Variants in APLF observed in about 807,000 individuals in gnomAD.
APLF encodes the protein aprataxin and PNKP like factor.
APLF carries 61 observed loss-of-function variants against 55.6 expected under a neutral mutation model. That is an observed-to-expected ratio of 1.10 (90% CI 0.89 to 1.36). The LOEUF (loss-of-function observed/expected upper bound fraction) is 1.36, where lower values mean the gene tolerates loss of function less well. APLF is among the 40% of genes most tolerant of loss of function. The pLI is 0.00. For synonymous variants in APLF, 207 were observed against 214.8 expected (o/e 0.96, Z 0.32); for missense variants, 611 against 602.5 (o/e 1.01, Z -0.15).
At chr2:68,577,500 G>A (rs1259443441) in intron 9 of APLF, among the ~76,000 whole-genome samples, 1 of 152,164 alleles carries the variant, frequency 6.6e-6, no homozygotes, top group Non-Finnish European at 1.5e-5. Context: ...TCATATCACA[G>A]GAAGGGGCAG....
intron 7 of APLF, among the ~76,000 whole-genome samples, chr2:68,539,851 TG>T (rs1225078134): frequency 1.3e-5 from 2 of 152,130 alleles, no homozygotes; most frequent in Non-Finnish European, 1.5e-5. Flanking sequence ...CCAGTATGTC[TG>T]CTATCACCAC....
At chr2:68,569,685 G>A (rs1346431314) in intron 9 of APLF, among the ~76,000 whole-genome samples, 2 of 152,130 alleles carry the variant, frequency 1.3e-5, no homozygotes, top group Admixed American at 6.6e-5. Context: ...GATTAGTTAG[G>A]TAGAATAAAG....
Position 68,467,710 on chromosome 2 carries a change from A to AG in APLF, c.-18dup. On this transcript the variant is annotated 5_prime_UTR_variant, in exon 1 of 10. Transcript: ENST00000303795. ...AGCGGAGGGGCCAGTCTCCTGGCGA[A>AG]GGGGCCTAATCCTTGCCCGCCATGT... The AG allele has an allele frequency of 8.1e-7, 1 of 1,234,284 alleles. No homozygotes were observed. The highest frequency in any genetic ancestry group is 1.0e-6 in the Non-Finnish European group (1 of 987,604). The allele number at this position is 1,234,284 out of a possible 1,614,324, so 76.5% of individuals were successfully genotyped here. A position where few individuals can be genotyped will look rare whatever the true frequency, so the allele number is the denominator to read the frequency against.
At chr2:68,501,378 GATAGA>G (rs1558533506) in intron 2 of APLF, among the ~76,000 whole-genome samples, 3 of 151,834 alleles carry the variant, frequency 2.0e-5, no homozygotes, top group Non-Finnish European at 4.4e-5. Flanking sequence ...TGATGAAATA[GATAGA>G]AGGAAGGGTA....
intron 2 of APLF, among the ~76,000 whole-genome samples, chr2:68,491,962 G>A (rs1676377054): frequency 1.3e-5 from 2 of 152,056 alleles, no homozygotes. Flanking sequence ...AATTGACATG[G>A]CATTAAATTT....
At position 68,467,780 on chromosome 2, in the gene APLF, G is replaced by C. The variant is rs1021681870; in HGVS notation, c.49G>C (p.Ala17Pro). 4 of 1,234,260 alleles carry C rather than the reference G, an allele frequency of 3.2e-6. No homozygotes were observed. The African/African-American group carries it at 6.2e-5, about 19-fold the overall frequency. 76.5% of individuals were successfully genotyped at this position (1,234,260 alleles called of 1,614,324 possible). A position where few individuals can be genotyped will look rare whatever the true frequency, so the allele number is the denominator to read the frequency against. Residue 17 changes from alanine to proline, a missense_variant, in exon 1 of 10, where the codon GCC becomes CCC. Transcript: ENST00000303795. The part of the protein sequence containing the change: ...LQPRDGGPRV[A>P]LAPGETVIGR... ...GCCGCGGGACGGCGGTCCCCGGGTG[G>C]CCCTGGCGCCCGGGGAGACGGTGAT...
Position 68,579,167 on chromosome 2 carries a change from TATA to T in APLF, c.*1152_*1154del, listed in dbSNP as rs1671702163. On this transcript the variant is annotated 3_prime_UTR_variant, in exon 10 of 10. Transcript: ENST00000303795. The stretch of plus-strand genomic sequence containing the variant: ...ATATCTTAAAAGATCAAAACATATT[TATA>T]ATAATATTTTCTCATTGCTTTAAAA... 2.3e-5 allele frequency: 18 copies of T among 783,480 alleles called. No homozygotes were observed. Among genetic ancestry groups the T allele is most frequent in the Non-Finnish European group, 2.8e-5 (18 of 646,056 alleles). The allele number at this position is 783,480 out of a possible 1,614,324, so 48.5% of individuals were successfully genotyped here. A position where few individuals can be genotyped will look rare whatever the true frequency, so the allele number is the denominator to read the frequency against.
At chr2:68,571,599 A>G (rs560609082) in intron 9 of APLF, among the ~76,000 whole-genome samples, 30 of 152,220 alleles carry the variant, frequency 2.0e-4, no homozygotes, top group South Asian at 1.0e-3. Context: ...AAGATCAGAT[A>G]GTTGTAGATG....
intron 2 of APLF, among the ~76,000 whole-genome samples, chr2:68,502,281 G>T (rs913885743): frequency 3.3e-5 from 5 of 152,024 alleles, no homozygotes; most frequent in Non-Finnish European, 7.4e-5. Context: ...TTTTTTAATT[G>T]TAATAAGAAA....
chr2:68,522,829 C>G (rs1669933038), intron 5 of APLF, among the ~76,000 whole-genome samples: 1 of 151,754 alleles, frequency 6.6e-6, no homozygotes, highest in Non-Finnish European at 1.5e-5. Flanking sequence ...TAAAGTACTA[C>G]TTTATGCCAT....
At chr2:68,558,041 G>A (rs928285997) in intron 8 of APLF, among the ~76,000 whole-genome samples, 1 of 151,962 alleles carries the variant, frequency 6.6e-6, no homozygotes. Context: ...TATGATCTTG[G>A]AAAAAAACTA....
At chr2:68,491,234 C>T (rs1242229526) in intron 2 of APLF, among the ~76,000 whole-genome samples, 1 of 152,164 alleles carries the variant, frequency 6.6e-6, no homozygotes, top group Non-Finnish European at 1.5e-5. Flanking sequence ...CTGGAGTCAA[C>T]ACTTCTTTAG....
chr2:68,555,862 A>C (rs1377223452), intron 8 of APLF, among the ~76,000 whole-genome samples: 1 of 152,236 alleles, frequency 6.6e-6, no homozygotes, highest in Non-Finnish European at 1.5e-5. Flanking sequence ...GTATCTACCC[A>C]GAGGAAATGA....
At chr2:68,514,180 A>G (rs1669501258) in intron 5 of APLF, among the ~76,000 whole-genome samples, 1 of 151,762 alleles carries the variant, frequency 6.6e-6, no homozygotes. Flanking sequence ...CTCCGATGAG[A>G]TTCCCCATTT....
chr2:68,493,880 G>A (rs866175498), intron 2 of APLF, among the ~76,000 whole-genome samples: 6 of 152,000 alleles, frequency 3.9e-5, no homozygotes, highest in Admixed American at 1.3e-4. Context: ...AGGCTGAGGC[G>A]GGTGGATCAC....
At chr2:68,518,168 A>G (rs1462831666) in intron 5 of APLF, among the ~76,000 whole-genome samples, 3 of 105,912 alleles carry the variant, frequency 2.8e-5, no homozygotes, top group African/African-American at 1.1e-4. Context: ...GTATAATAGT[A>G]ATATAATATA....
At chr2:68,479,080 G>A (rs903209305) in intron 1 of APLF, among the ~76,000 whole-genome samples, 5 of 152,080 alleles carry the variant, frequency 3.3e-5, no homozygotes, top group African/African-American at 9.7e-5. Context: ...GTTGAGTAAC[G>A]AAGGTGCTGA....
Position 68,542,724 on chromosome 2 carries a change from G to A in APLF, c.1161-2463G>A, listed in dbSNP as rs532771225. 6.6e-5 allele frequency among the ~76,000 whole-genome samples: 10 copies of A among 152,286 alleles called. No individual in the cohort carries two copies. In the East Asian group the frequency reaches 1.2e-3, roughly 18 times the overall value. On this transcript the variant is annotated intron_variant, in intron 7 of 9. Coordinates refer to ENST00000303795, the MANE Select transcript of APLF (RefSeq NM_173545.3). ...ATTGTTGATGGGAGTGTAAATTGGT[G>A]TAGCCACTGTGGGAAACAGTATGGT...
chr2:68,518,331 TTAA>T (rs1165881348), intron 5 of APLF, among the ~76,000 whole-genome samples: 4 of 113,010 alleles, frequency 3.5e-5, no homozygotes, highest in Non-Finnish European at 4.9e-5. Context: ...ATATAATATA[TTAA>T]TAAATAATTA....
Sources: allele counts gnomAD v4.1 joint callset (sites outside exome capture counted in the v4.1 genomes callset), GRCh38; gene constraint gnomAD v4.1.1; transcripts MANE v1.5; gene names NCBI Gene and HGNC (gene_info 2026-07-23, HGNC 2026-07-21).